CLASP1: variants seen among roughly 807,000 people sequenced by gnomAD.
The protein encoded by CLASP1 is CLIP-associating protein 1.
A neutral mutation model predicts 192.3 loss-of-function variants in CLASP1; 38 were observed. The observed-to-expected ratio is 0.20, with a 90% CI of 0.15 to 0.26. The LOEUF is 0.26. Among genes scored for constraint, CLASP1 ranks in the 10% least tolerant of loss-of-function variants. CLASP1 has a pLI of 1.00. For missense variants in CLASP1, 1,433 were observed against 1,932.5 expected (o/e 0.74, Z 4.85); for synonymous variants, 691 against 712.8 (o/e 0.97, Z 0.49).
chr2:121,378,728 G>T (rs966884179), intron 33 of CLASP1, among the ~76,000 whole-genome samples: 14 of 152,216 alleles, frequency 9.2e-5, no homozygotes, highest in African/African-American at 3.4e-4. Flanking sequence ...TTTTAAAATA[G>T]TCCTGAGCTA....
chr2:121,373,539 A>T (rs2069237250), intron 34 of CLASP1, among the ~76,000 whole-genome samples: 2 of 152,222 alleles, frequency 1.3e-5, no homozygotes, highest in South Asian at 4.1e-4. Context: ...AGAAGACAGG[A>T]AAATGAAAGA....
intron 28 of CLASP1, 94 bp from the exon 30 acceptor site, chr2:121,398,494 G>C: frequency 1.2e-6 from 1 of 854,744 alleles, no homozygotes; most frequent in East Asian, 2.7e-5. Context: ...GTAAGTTAAT[G>C]TATGTAAAAC....
intron 19 of CLASP1, chr2:121,445,034 C>A: frequency 2.1e-6 from 2 of 970,142 alleles, no homozygotes; most frequent in Non-Finnish European, 2.9e-6. Context: ...ATTAAAAAGC[C>A]GAATGTTATT....
At chr2:121,372,026 G>A (rs1181355084) in intron 34 of CLASP1, among the ~76,000 whole-genome samples, 4 of 152,160 alleles carry the variant, frequency 2.6e-5, no homozygotes, top group Non-Finnish European at 4.4e-5. Flanking sequence ...CTGTAACTAC[G>A]TGTAAAGTTT....
At chr2:121,434,847 G>T (rs553010578) in intron 19 of CLASP1, among the ~76,000 whole-genome samples, 1 of 151,900 alleles carries the variant, frequency 6.6e-6, no homozygotes, top group Non-Finnish European at 1.5e-5. Context: ...AATTACCTGG[G>T]CGTGGTGGTG....
At chr2:121,585,594 C>T (rs1389573960) in intron 2 of CLASP1, among the ~76,000 whole-genome samples, 2 of 152,088 alleles carry the variant, frequency 1.3e-5, no homozygotes, top group Admixed American at 6.5e-5. Context: ...CAATCAAGAG[C>T]TCAGTCTATA....
At chr2:121,419,679 A>C (rs1047525865) in intron 22 of CLASP1, among the ~76,000 whole-genome samples, 3 of 152,066 alleles carry the variant, frequency 2.0e-5, no homozygotes, top group Admixed American at 6.6e-5. Context: ...TGAAGCTTAG[A>C]AAAGACCAGG....
At chr2:121,518,741 G>A (rs1575610121) in intron 6 of CLASP1, among the ~76,000 whole-genome samples, 1 of 152,198 alleles carries the variant, frequency 6.6e-6, no homozygotes, top group East Asian at 1.9e-4. Context: ...GCTGGGCATG[G>A]CGGCGAGCGC....
intron 31 of CLASP1, 97 bp from the exon 33 acceptor site, chr2:121,387,325 G>T: frequency 2.3e-6 from 2 of 852,812 alleles, no homozygotes; most frequent in Non-Finnish European, 3.5e-6. Flanking sequence ...AAATAAATGG[G>T]TAGAATCTGC....
chr2:121,525,856 G>A, exon 6 of CLASP1: 1 of 1,612,358 alleles, frequency 6.2e-7, no homozygotes, highest in South Asian at 1.1e-5. Context: ...TGGCTGTTTG[G>A]ATCTCCAAGT....
intron 30 of CLASP1, among the ~76,000 whole-genome samples, chr2:121,394,512 C>G (rs908195345): frequency 2.0e-5 from 3 of 152,110 alleles, no homozygotes; most frequent in Non-Finnish European, 4.4e-5. Context: ...TGAGTTTCTC[C>G]CCTCTTGCTG....
chr2:121,472,671 T>C (rs2090961935), intron 8 of CLASP1, among the ~76,000 whole-genome samples: 1 of 152,262 alleles, frequency 6.6e-6, no homozygotes, highest in Non-Finnish European at 1.5e-5. Flanking sequence ...AGGAATGTGC[T>C]AAGTTCTAGG....
At chr2:121,563,095 T>C (rs1420634927) in intron 2 of CLASP1, among the ~76,000 whole-genome samples, 1 of 152,054 alleles carries the variant, frequency 6.6e-6, no homozygotes, top group Non-Finnish European at 1.5e-5. Context: ...ACTGACCCCT[T>C]TCAAATCAAG....
chr2:121,485,760 T>C (rs1272096867), intron 8 of CLASP1, among the ~76,000 whole-genome samples: 1 of 152,000 alleles, frequency 6.6e-6, no homozygotes, highest in African/African-American at 2.4e-5. Context: ...TCCCAGCTAC[T>C]ACAGGCATGG....
Position 121,468,300 on chromosome 2 carries a change from T to C in CLASP1, c.865+1508A>G, listed in dbSNP as rs368967230. On this transcript the variant is annotated intron_variant, in intron 9 of 39. Coordinates refer to ENST00000263710, the Ensembl canonical transcript of CLASP1. ...ATTTGGTTCTATATGGATTTTAAGA[T>C]AGTTTCTTCTAATTCTGTCAATGTT... Among the ~76,000 whole-genome samples the C allele has an allele frequency of 5.9e-5, 9 of 152,318 alleles. No homozygotes were observed. In the South Asian group the frequency reaches 1.9e-3, roughly 32 times the overall value.
At chr2:121,491,567 C>CA (rs1161395950) in intron 8 of CLASP1, among the ~76,000 whole-genome samples, 1 of 152,162 alleles carries the variant, frequency 6.6e-6, no homozygotes, top group Non-Finnish European at 1.5e-5. Flanking sequence ...TAAAAACTTA[C>CA]AAATAATTTG....
chr2:121,478,773 A>ACC (rs2092094363), intron 8 of CLASP1, among the ~76,000 whole-genome samples: 1 of 38,056 alleles, frequency 2.6e-5, no homozygotes, highest in Non-Finnish European at 5.0e-5. Context: ...CACACACCCC[A>ACC]CACACACACC....
intron 19 of CLASP1, among the ~76,000 whole-genome samples, chr2:121,430,656 T>G (rs1273873843): frequency 6.6e-6 from 1 of 152,196 alleles, no homozygotes; most frequent in Non-Finnish European, 1.5e-5. Context: ...GTCTACCTTC[T>G]TAACTCAGCC....
At chr2:121,340,725 G>A (rs1195307064) in exon 40 of CLASP1, 1 of 647,330 alleles carries the variant, frequency 1.5e-6, no homozygotes, top group Non-Finnish European at 2.7e-6. Flanking sequence ...AAGCTGGAAG[G>A]GACCAAAATA....
Sources: allele counts gnomAD v4.1 joint callset (sites outside exome capture counted in the v4.1 genomes callset), GRCh38; gene constraint gnomAD v4.1.1; transcripts MANE v1.5; gene names NCBI Gene and HGNC (gene_info 2026-07-23, HGNC 2026-07-21).